CCNY: variants seen among roughly 807,000 people sequenced by gnomAD.
CCNY encodes the protein cyclin-Y.
Under a neutral mutation model 42.8 loss-of-function variants are expected in CCNY, and 19 were observed. That is an observed-to-expected ratio of 0.44 (90% CI 0.31 to 0.65). CCNY has a LOEUF of 0.65. CCNY is among the 30% of genes least tolerant of loss of function. The pLI is 0.07. For missense variants in CCNY, 370 were observed against 437.3 expected (o/e 0.85, Z 1.37); for synonymous variants, 165 against 162.7 (o/e 1.01, Z -0.11).
intron 1 of CCNY, among the ~76,000 whole-genome samples, chr10:35,479,373 T>C (rs1839604433): frequency 1.4e-5 from 2 of 144,752 alleles, no homozygotes; most frequent in African/African-American, 5.1e-5. Flanking sequence ...CCAACAATGA[T>C]AGACTGGATT....
At chr10:35,279,148 C>T (rs1359540855) in intron 3 of CCNY, among the ~76,000 whole-genome samples, 3 of 140,246 alleles carry the variant, frequency 2.1e-5, no homozygotes, top group African/African-American at 8.0e-5. Flanking sequence ...CAGGGTCTCA[C>T]TCTATCACCC....
At chr10:35,266,199 T>A (rs1255341280) in intron 3 of CCNY, among the ~76,000 whole-genome samples, 1 of 149,110 alleles carries the variant, frequency 6.7e-6, no homozygotes, top group African/African-American at 2.5e-5. Flanking sequence ...TGTCTCAGCC[T>A]CCCGAGTAGC....
intron 3 of CCNY, among the ~76,000 whole-genome samples, chr10:35,250,786 AT>A (rs1565051826): frequency 5.9e-5 from 9 of 152,222 alleles, no homozygotes; most frequent in Admixed American, 4.6e-4. Context: ...TTTTCAGTAA[AT>A]GAAAATACAT....
chr10:35,424,829 G>C (rs1439594930), intron 1 of CCNY, among the ~76,000 whole-genome samples: 1 of 152,222 alleles, frequency 6.6e-6, no homozygotes, highest in Non-Finnish European at 1.5e-5. Flanking sequence ...GAAAGTCCCT[G>C]ACGCTGTTGC....
chr10:35,477,274 C>G (rs1013230893), intron 1 of CCNY, among the ~76,000 whole-genome samples: 6 of 152,142 alleles, frequency 3.9e-5, no homozygotes, highest in African/African-American at 9.6e-5. Context: ...GGAATCCTCC[C>G]TAACTCATTT....
Position 35,383,833 on chromosome 10 carries a change from A to G in CCNY, c.154+46626A>G, listed in dbSNP as rs373075216. The stretch of plus-strand genomic sequence containing the variant: ...GTACTTTTAGGTAGAAAAAAGATTT[A>G]TCAACTAAGATTGGGAAAAACCTGG... On this transcript the variant is annotated intron_variant, in intron 1 of 9. Transcript: ENST00000374704. Among the ~76,000 whole-genome samples the G allele has an allele frequency of 3.3e-4, 51 of 152,288 alleles. 1 individual carries two copies. Among genetic ancestry groups the G allele is most frequent in the African/African-American group, 1.2e-3 (51 of 41,558 alleles).
intron 1 of CCNY, among the ~76,000 whole-genome samples, chr10:35,451,809 C>G (rs1398257006): frequency 1.3e-5 from 2 of 152,268 alleles, no homozygotes; most frequent in African/African-American, 4.8e-5. Context: ...CACCTCACCT[C>G]CACGCATGGC....
intron 3 of CCNY, among the ~76,000 whole-genome samples, chr10:35,508,447 T>C (rs1403150606): frequency 6.6e-6 from 1 of 152,216 alleles, no homozygotes; most frequent in East Asian, 1.9e-4. Context: ...CAATAAGATA[T>C]TTCAGGCTCA....
At chr10:35,489,446 G>T (rs1406614170) in intron 2 of CCNY, among the ~76,000 whole-genome samples, 3 of 151,878 alleles carry the variant, frequency 2.0e-5, no homozygotes, top group Non-Finnish European at 4.4e-5. Flanking sequence ...GACTACAGGC[G>T]CCCACCACCA....
intron 1 of CCNY, among the ~76,000 whole-genome samples, chr10:35,363,218 C>T (rs1836734645): frequency 6.6e-6 from 1 of 151,806 alleles, no homozygotes; most frequent in Non-Finnish European, 1.5e-5. Context: ...TCCTCACTTC[C>T]CAGACGGTGG....
intron 3 of CCNY, among the ~76,000 whole-genome samples, chr10:35,318,937 T>C (rs563232412): frequency 6.6e-6 from 1 of 152,258 alleles, no homozygotes; most frequent in South Asian, 2.1e-4. Flanking sequence ...TAAATTTCCT[T>C]ACTACATATA....
chr10:35,333,462 A>G (rs1835969326), upstream of CCNY, among the ~76,000 whole-genome samples: 1 of 152,206 alleles, frequency 6.6e-6, no homozygotes, highest in Non-Finnish European at 1.5e-5. Context: ...GTTAGCTCCC[A>G]GCTTCCTTTA....
At chr10:35,480,324 A>G (rs1839638387) in intron 1 of CCNY, among the ~76,000 whole-genome samples, 1 of 152,076 alleles carries the variant, frequency 6.6e-6, no homozygotes, top group South Asian at 2.1e-4. Flanking sequence ...AGAGTGTGAG[A>G]CATAATCCTG....
intron 1 of CCNY, among the ~76,000 whole-genome samples, chr10:35,469,090 A>T (rs900710733): frequency 1.3e-5 from 2 of 152,256 alleles, no homozygotes; most frequent in Admixed American, 1.3e-4. Context: ...ATTCTTTATT[A>T]TGCCAGATCA....
At chr10:35,502,288 C>T (rs1840126432) in intron 3 of CCNY, among the ~76,000 whole-genome samples, 1 of 152,114 alleles carries the variant, frequency 6.6e-6, no homozygotes, top group Non-Finnish European at 1.5e-5. Flanking sequence ...AATGATGAAA[C>T]AGGTGTAAAT....
chr10:35,274,179 C>G (rs1835207996), intron 3 of CCNY, among the ~76,000 whole-genome samples: 1 of 152,160 alleles, frequency 6.6e-6, no homozygotes, highest in African/African-American at 2.4e-5. Flanking sequence ...GCACGTCTTA[C>G]ATGGTGGCAG....
chr10:35,369,183 T>C (rs568045994), intron 1 of CCNY, among the ~76,000 whole-genome samples: 95 of 152,282 alleles, frequency 6.2e-4, no homozygotes, highest in Middle Eastern at 3.4e-3. Flanking sequence ...ATTAAGAGTG[T>C]GTGAGGTGCT....
intron 8 of CCNY, among the ~76,000 whole-genome samples, chr10:35,564,134 C>T (rs1483610075): frequency 6.6e-6 from 1 of 152,010 alleles, no homozygotes; most frequent in Non-Finnish European, 1.5e-5. Flanking sequence ...CCCGCCTCAG[C>T]CTCCCAAAGT....
At chr10:35,268,074 G>A (rs867728460) in intron 3 of CCNY, among the ~76,000 whole-genome samples, 80 of 152,072 alleles carry the variant, frequency 5.3e-4, no homozygotes, top group African/African-American at 1.8e-3. Flanking sequence ...ATAAGCATGC[G>A]CCACTACACC....
Sources: gnomAD v4.1 joint callset for allele counts (sites outside exome capture counted in the v4.1 genomes callset) on GRCh38, gnomAD v4.1.1 for gene constraint, MANE v1.5 for transcripts, NCBI Gene and HGNC (gene_info 2026-07-23, HGNC 2026-07-21) for gene names.